The following ANKRD36 variants were observed in gnomAD, a reference collection of about 807,000 sequenced individuals.
The protein encoded by ANKRD36 is ankyrin repeat domain-containing protein 36A.
ANKRD36 carries 179 observed loss-of-function variants against 278.1 expected under a neutral mutation model. The ratio of observed to expected loss-of-function variants is 0.64; its 90% CI spans 0.57 to 0.73. The LOEUF is 0.73. Ranked by LOEUF, ANKRD36 falls within the 30% of genes least tolerant of loss-of-function variation. ANKRD36 has a pLI of 0.00. For synonymous variants in ANKRD36, 320 were observed against 641.1 expected (o/e 0.50, Z 7.57); for missense variants, 1,159 against 1,956.7 (o/e 0.59, Z 7.69).
rs1223994282 is a variant in ANKRD36 at position 97,158,612 on chromosome 2, A to G, written c.1346A>G (p.Lys449Arg). Residue 449 changes from lysine (K) to arginine (R), a missense_variant, in exon 17 of 76, where the codon AAA becomes AGA. Lys to Arg is a conservative substitution (Grantham distance 26). Coordinates refer to ENST00000420699, the MANE Select transcript of ANKRD36 (RefSeq NM_001354587.1). ...ENLDAACGID[K>R]TENGNMFEDQ... ...GTAGATGCTGCATGTGGCATTGACA[A>G]AACAGAAAATGGAAACATGTTTGAA... is the stretch of plus-strand genomic sequence containing the variant. 1.3e-6 allele frequency: 2 copies of G among 1,536,462 alleles called. No individual in the cohort carries two copies. The highest frequency in any genetic ancestry group is 8.7e-7 in the Non-Finnish European group (1 of 1,146,720).
At chr2:97,134,100 T>G (rs1446811088) in intron 6 of ANKRD36, among the ~76,000 whole-genome samples, 1 of 152,066 alleles carries the variant, frequency 6.6e-6, no homozygotes. Context: ...CTACTAATAT[T>G]TTTGCTGTCC....
chr2:97,183,775 T>C, intron 28 of ANKRD36, 121 bp downstream of exon 28: 1 of 1,330,606 alleles, frequency 7.5e-7, no homozygotes, highest in Non-Finnish European at 1.0e-6. Flanking sequence ...GGCCTGAGAT[T>C]ATGCATTTCT....
intron 38 of ANKRD36, among the ~76,000 whole-genome samples, chr2:97,193,927 C>A (rs1029070399): frequency 2.6e-5 from 4 of 151,640 alleles, no homozygotes; most frequent in African/African-American, 9.7e-5. Flanking sequence ...CTAAAATAGT[C>A]ATTTTCAATG....
At chr2:97,233,018 A>G (rs1477569048) in intron 67 of ANKRD36, among the ~76,000 whole-genome samples, 1 of 151,484 alleles carries the variant, frequency 6.6e-6, no homozygotes, top group Admixed American at 6.6e-5. Context: ...TTAAAAAAAA[A>G]AAAAAAGATG....
At chr2:97,192,732 T>C (rs2058796326) in intron 36 of ANKRD36, 126 bp from the exon 37 acceptor site, 1 of 1,325,150 alleles carries the variant, frequency 7.5e-7, no homozygotes, top group African/African-American at 1.5e-5. Context: ...AGACTAAAAG[T>C]AGAAGCCATC....
In ANKRD36 at chr2:97,207,840, G is replaced by A. The variant is rs766035825; in HGVS notation, c.3192+1G>A. The A allele has an allele frequency of 9.7e-6, 15 of 1,546,414 alleles. No individual in the cohort carries two copies. The highest frequency in any genetic ancestry group is 7.2e-5 in the South Asian group (6 of 83,820). Reference sequence around the variant, plus strand: ...TTCTGAGAAACCATCAGGCTTGAAGGTAATGAAACTGTCATTTATATTGTG... The same window carrying A: ...TTCTGAGAAACCATCAGGCTTGAAGATAATGAAACTGTCATTTATATTGTG... On this transcript the variant is annotated splice_donor_variant, in intron 53 of 75. Transcript: ENST00000420699. LOFTEE classifies it high-confidence loss of function.
At chr2:97,172,857 G>GTGTT (rs1233952119) in intron 22 of ANKRD36, among the ~76,000 whole-genome samples, 72 of 148,862 alleles carry the variant, frequency 4.8e-4, no homozygotes, top group East Asian at 4.0e-4. Context: ...GTGTGTGTGT[G>GTGTT]TATGTGTGTG....
In ANKRD36 at chr2:97,149,323, C is replaced by T; in HGVS notation, c.1063C>T (p.Gln355Ter). The T allele has an allele frequency of 6.5e-7, 1 of 1,533,994 alleles. No individual in the cohort carries two copies. The highest frequency in any genetic ancestry group is 8.7e-7 in the Non-Finnish European group (1 of 1,145,478). Reference protein sequence around the residue: ...RSLYRPDAVAQPVTENEFSLE... With the variant: ...RSLYRPDAVA The stretch of plus-strand genomic sequence containing the variant: ...TCTCTACAGACCTGATGCTGTTGCA[C>T]AGCCTGTGACAGAGAATGAGTTTTC... The change falls in exon 12 of 76, where the codon CAG (glutamine) becomes TAG (stop). Residue 355 changes from glutamine to a stop codon, truncating the protein, a stop_gained. Coordinates refer to ENST00000420699, the MANE Select transcript of ANKRD36 (RefSeq NM_001354587.1). LOFTEE classifies it high-confidence loss of function.
chr2:97,197,027 T>G (rs1387243791), intron 42 of ANKRD36, among the ~76,000 whole-genome samples: 1 of 151,912 alleles, frequency 6.6e-6, no homozygotes, highest in Non-Finnish European at 1.5e-5. Context: ...TGGAGAGCAG[T>G]TGAAGACATA....
chr2:97,178,605 A>C (rs1223630635), intron 22 of ANKRD36, among the ~76,000 whole-genome samples: 1 of 146,464 alleles, frequency 6.8e-6, no homozygotes, highest in East Asian at 2.1e-4. Flanking sequence ...GCATATTCTC[A>C]CTCATAGGTG....
At chr2:97,212,948 TG>T (rs1431615112) in intron 58 of ANKRD36, 2 of 305,262 alleles carry the variant, frequency 6.6e-6, no homozygotes, top group Non-Finnish European at 1.2e-5. Flanking sequence ...TCAACTGAAG[TG>T]TCATTGTAAT....
At chr2:97,220,756 A>ATTTTTTTTTT (rs1229484526) in intron 66 of ANKRD36, among the ~76,000 whole-genome samples, 4 of 66,252 alleles carry the variant, frequency 6.0e-5, no homozygotes, top group African/African-American at 3.1e-4. Context: ...TTAATTTTTA[A>ATTTTTTTTTT]TTTTCTTTTT....
intron 11 of ANKRD36, among the ~76,000 whole-genome samples, chr2:97,147,176 T>A (rs2044490712): frequency 1.3e-5 from 2 of 151,900 alleles, no homozygotes; most frequent in African/African-American, 4.8e-5. Context: ...AAATGATATT[T>A]CTAATTCATG....
chr2:97,140,360 A>G (rs1181759670), intron 6 of ANKRD36, among the ~76,000 whole-genome samples: 1 of 151,920 alleles, frequency 6.6e-6, no homozygotes, highest in East Asian at 1.9e-4. Flanking sequence ...TGGAAGGCAT[A>G]GACATAGTGG....
intron 22 of ANKRD36, among the ~76,000 whole-genome samples, chr2:97,177,408 C>T (rs2054609377): frequency 6.6e-6 from 1 of 151,832 alleles, no homozygotes; most frequent in Admixed American, 6.6e-5. Flanking sequence ...GGAGGCATCA[C>T]ACTACCTGAC....
chr2:97,220,729 C>CTTTTTTTTT, intron 66 of ANKRD36, among the ~76,000 whole-genome samples: 9 of 66,508 alleles, frequency 1.4e-4, no homozygotes, highest in South Asian at 6.8e-4. Context: ...GATTTTCTTG[C>CTTTTTTTTT]TTTTTTTTTT....
At chr2:97,150,718 T>G (rs1206276627) in intron 12 of ANKRD36, among the ~76,000 whole-genome samples, 1 of 152,248 alleles carries the variant, frequency 6.6e-6, no homozygotes. Flanking sequence ...ATCTTCCAAC[T>G]GGAAGCTTAG....
At chr2:97,231,724 C>T (rs1478153412) in intron 67 of ANKRD36, among the ~76,000 whole-genome samples, 14 of 152,232 alleles carry the variant, frequency 9.2e-5, no homozygotes, top group Admixed American at 6.5e-5. Flanking sequence ...CCATCTTCTG[C>T]GTCGCTCACG....
At chr2:97,195,855 G>A (rs1450349364) in intron 40 of ANKRD36, among the ~76,000 whole-genome samples, 3 of 151,916 alleles carry the variant, frequency 2.0e-5, no homozygotes, top group Non-Finnish European at 4.4e-5. Context: ...AATGGTTGTG[G>A]CAGTTTTACT....
Sources: gnomAD v4.1 joint callset for allele counts (sites outside exome capture counted in the v4.1 genomes callset) on GRCh38, gnomAD v4.1.1 for gene constraint, MANE v1.5 for transcripts, NCBI Gene and HGNC (gene_info 2026-07-23, HGNC 2026-07-21) for gene names.